Variants in CAST observed in about 807,000 individuals in gnomAD.
CAST encodes MIR583 host.
Under a neutral mutation model 119.6 loss-of-function variants are expected in CAST, and 76 were observed. The ratio of observed to expected loss-of-function variants is 0.64; its 90% CI spans 0.53 to 0.77. The LOEUF (loss-of-function observed/expected upper bound fraction) is 0.77. CAST is among the 30% of genes least tolerant of loss of function. The pLI is 0.00. For synonymous variants in CAST, 319 were observed against 331.6 expected (o/e 0.96, Z 0.41); for missense variants, 953 against 946.5 (o/e 1.01, Z -0.09).
upstream of CAST, among the ~76,000 whole-genome samples, chr5:96,523,081 G>T (rs146338550): frequency 4.0e-3 from 608 of 152,360 alleles, 11 homozygotes; most frequent in Admixed American, 0.033. Flanking sequence ...TTTGGTCAAA[G>T]GGCAGCTATG....
At chr5:96,504,766 T>A in the CAST span, among the ~76,000 whole-genome samples, 2 of 152,192 alleles carry the variant, frequency 1.3e-5, no homozygotes, top group Admixed American at 1.3e-4. Flanking sequence ...TCTTGCCATT[T>A]GCTGTTGATT....
At chr5:96,752,518 G>T (rs1765276466) in intron 20 of CAST, among the ~76,000 whole-genome samples, 2 of 138,502 alleles carry the variant, frequency 1.4e-5, no homozygotes, top group South Asian at 2.4e-4. Flanking sequence ...CTTAATTTAG[G>T]TATAATCCCA....
chr5:96,397,408 A>G, the CAST span: 596,057 of 1,610,164 alleles, frequency 0.37, 112,577 homozygotes, highest in Admixed American at 0.46. Context: ...TGAAGTCCCA[A>G]TTCTTAAAGC....
chr5:95,965,484 TA>T, the CAST span, among the ~76,000 whole-genome samples: 1 of 152,228 alleles, frequency 6.6e-6, no homozygotes, highest in African/African-American at 2.4e-5. Flanking sequence ...TACAAAAAGT[TA>T]ATTCTTATTA....
chr5:96,518,325 A>G, the CAST span, among the ~76,000 whole-genome samples: 1 of 152,224 alleles, frequency 6.6e-6, no homozygotes. Context: ...CAAAGAACAC[A>G]TTAGCTAGCC....
chr5:96,178,434 A>T, the CAST span, among the ~76,000 whole-genome samples: 1 of 152,164 alleles, frequency 6.6e-6, no homozygotes, highest in Non-Finnish European at 1.5e-5. Context: ...TTAAGATTGT[A>T]TTCACTTCTT....
Position 96,718,918 on chromosome 5 carries a change from C to T in CAST, c.211-3721C>T, listed in dbSNP as rs574990361. On this transcript the variant is annotated intron_variant, in intron 3 of 31. Coordinates refer to ENST00000675179, the MANE Select transcript of CAST (RefSeq NM_001750.7). The stretch of plus-strand genomic sequence containing the variant: ...CGATGCCCCACTCTGTGCCAAGTTC[C>T]GAGCCAAGCCAGCTGCGGTCAAGGG... Among the ~76,000 whole-genome samples the T allele has an allele frequency of 2.6e-5, 4 of 152,164 alleles. No homozygotes were observed. In the East Asian group the frequency reaches 7.7e-4, roughly 29 times the overall value.
intron 2 of CAST, among the ~76,000 whole-genome samples, chr5:96,695,078 G>A (rs1753121677): frequency 1.3e-5 from 2 of 152,160 alleles, no homozygotes. Flanking sequence ...GTAAGAGATT[G>A]GAGTCTGGAG....
chr5:96,639,961 C>T (rs1196443708), intron 1 of CAST, among the ~76,000 whole-genome samples: 1 of 152,140 alleles, frequency 6.6e-6, no homozygotes, highest in Non-Finnish European at 1.5e-5. Context: ...TATTTGCCAT[C>T]TCCTCTCAAT....
the CAST span, among the ~76,000 whole-genome samples, chr5:96,107,434 C>G: frequency 6.6e-6 from 1 of 151,904 alleles, no homozygotes; most frequent in African/African-American, 2.4e-5. Flanking sequence ...GACAAAATCT[C>G]TCAGCATTTG....
intron 1 of CAST, among the ~76,000 whole-genome samples, chr5:96,596,117 C>G (rs774762070): frequency 5.9e-5 from 9 of 152,170 alleles, no homozygotes; most frequent in Non-Finnish European, 1.2e-4. Context: ...CCCCCAGAAC[C>G]TGTGAATATT....
intron 20 of CAST, among the ~76,000 whole-genome samples, chr5:96,751,654 G>A (rs1474951638): frequency 6.6e-6 from 1 of 152,114 alleles, no homozygotes; most frequent in Non-Finnish European, 1.5e-5. Context: ...GACTCTAGGA[G>A]GACTCTGGTG....
chr5:96,547,700 T>G (rs532852184), intron 1 of CAST, among the ~76,000 whole-genome samples: 67 of 152,320 alleles, frequency 4.4e-4, no homozygotes, highest in African/African-American at 1.6e-3. Flanking sequence ...CCTGATTAAG[T>G]TTGCGATAGT....
the CAST span, among the ~76,000 whole-genome samples, chr5:96,367,311 T>C: frequency 6.6e-6 from 1 of 152,128 alleles, no homozygotes; most frequent in African/African-American, 2.4e-5. Flanking sequence ...TTCTCAGATC[T>C]CAAACTCTGT....
At chr5:96,712,421 T>G (rs1756359162) in intron 3 of CAST, among the ~76,000 whole-genome samples, 1 of 152,208 alleles carries the variant, frequency 6.6e-6, no homozygotes, top group Admixed American at 6.5e-5. Flanking sequence ...AGCCTTTATG[T>G]CCAGGCTCAA....
Position 96,771,666 on chromosome 5 carries a change from C to T in CAST, c.2363C>T (p.Pro788Leu), listed in dbSNP as rs755515061. The change falls in exon 31 of 32, where the codon CCA becomes CTA. Residue 788 changes from proline to leucine, a missense_variant. Coordinates refer to ENST00000675179, the MANE Select transcript of CAST (RefSeq NM_001750.7). Reference sequence around the variant, plus strand: ...TAGACAACAGAGGAAACTTCCAAGCCAAAAGATGACTAAAGAAATACAAGT... The same window carrying T: ...TAGACAACAGAGGAAACTTCCAAGCTAAAAGATGACTAAAGAAATACAAGT... ...SAKTTEETSK[P>L]KDD The T allele has an allele frequency of 1.9e-6, 3 of 1,611,382 alleles. No homozygotes were observed. Among genetic ancestry groups the T allele is most frequent in the Middle Eastern group, 1.6e-4 (1 of 6,076 alleles).
the CAST span, among the ~76,000 whole-genome samples, chr5:96,015,498 AT>A: frequency 7.2e-4 from 110 of 152,058 alleles, 1 homozygote; most frequent in African/African-American, 2.5e-3. Flanking sequence ...TTTTGGTACA[AT>A]TTTTTTTAAT....
chr5:96,102,243 T>C, the CAST span, among the ~76,000 whole-genome samples: 10 of 152,194 alleles, frequency 6.6e-5, no homozygotes, highest in African/African-American at 2.4e-4. Flanking sequence ...GAATTTTATT[T>C]AGCGATGGAG....
the CAST span, among the ~76,000 whole-genome samples, chr5:96,201,843 G>A: frequency 6.6e-6 from 1 of 151,758 alleles, no homozygotes; most frequent in Non-Finnish European, 1.5e-5. Context: ...ATGCCCCCAG[G>A]GCCCCATCTC....
Sources: allele counts gnomAD v4.1 joint callset (sites outside exome capture counted in the v4.1 genomes callset), GRCh38; gene constraint gnomAD v4.1.1; transcripts MANE v1.5; gene names NCBI Gene and HGNC (gene_info 2026-07-23, HGNC 2026-07-21).